Variants in AGBL2 observed in about 807,000 individuals in gnomAD.
AGBL2 encodes the protein cytosolic carboxypeptidase 2.
Under a neutral mutation model 103.0 loss-of-function variants are expected in AGBL2, and 87 were observed. The observed-to-expected ratio is 0.84, with a 90% CI of 0.71 to 1.01. AGBL2 has a LOEUF of 1.01. Among genes scored for constraint, AGBL2 ranks in the 50% least tolerant of loss-of-function variants. The probability of loss-of-function intolerance (pLI) is 0.00; values close to 1 mark genes in which losing one functional copy is unlikely to be tolerated. For missense variants in AGBL2, 904 were observed against 1,023.5 expected (o/e 0.88, Z 1.59); for synonymous variants, 335 against 356.7 (o/e 0.94, Z 0.69).
At chr11:47,706,890 CCAAAAAAAAA>C (rs2097522347) in intron 4 of AGBL2, among the ~76,000 whole-genome samples, 1 of 53,240 alleles carries the variant, frequency 1.9e-5, no homozygotes, top group Non-Finnish European at 3.0e-5. Context: ...CTCTACTATT[CCAAAAAAAAA>C]AAAAAAAAAA....
chr11:47,701,526 G>A (rs1423073478), intron 7 of AGBL2, among the ~76,000 whole-genome samples: 1 of 151,446 alleles, frequency 6.6e-6, no homozygotes, highest in Non-Finnish European at 1.5e-5. Flanking sequence ...CATTAACTTG[G>A]TTATTAAATT....
At chr11:47,663,440 A>G (rs528682282) in intron 17 of AGBL2, among the ~76,000 whole-genome samples, 6 of 152,354 alleles carry the variant, frequency 3.9e-5, no homozygotes, top group Admixed American at 2.0e-4. Flanking sequence ...AGAATATTAA[A>G]TAGTGGGGCT....
At chr11:47,667,799 G>A in intron 15 of AGBL2, 103 bp from the exon 16 acceptor site, 3 of 1,272,708 alleles carry the variant, frequency 2.4e-6, no homozygotes, top group Non-Finnish European at 2.2e-6. Context: ...GGCTAACTCG[G>A]TATGCAGATT....
At chr11:47,696,185 CAAAAAA>C (rs200029588) in intron 8 of AGBL2, among the ~76,000 whole-genome samples, 1 of 97,772 alleles carries the variant, frequency 1.0e-5, no homozygotes, top group African/African-American at 4.0e-5. Flanking sequence ...GACTCTGTCT[CAAAAAA>C]AAAAAAAAAA....
intron 3 of AGBL2, among the ~76,000 whole-genome samples, chr11:47,713,295 G>C (rs2097540806): frequency 6.8e-6 from 1 of 147,976 alleles, no homozygotes; most frequent in Non-Finnish European, 1.5e-5. Context: ...AGTGAGCCGA[G>C]ATTGCGCCAT....
intron 8 of AGBL2, among the ~76,000 whole-genome samples, chr11:47,695,333 G>C (rs2153804565): frequency 6.6e-6 from 1 of 151,906 alleles, no homozygotes; most frequent in African/African-American, 2.4e-5. Flanking sequence ...AAATTAGTCA[G>C]GTGTGATGGT....
chr11:47,672,589 A>G (rs1197066473), intron 14 of AGBL2, among the ~76,000 whole-genome samples: 3 of 152,176 alleles, frequency 2.0e-5, no homozygotes, highest in Admixed American at 2.0e-4. Flanking sequence ...TGCTAAGACT[A>G]CAGGCGTGAG....
At chr11:47,677,554 A>C (rs1050678188) in intron 13 of AGBL2, among the ~76,000 whole-genome samples, 153 bp from the exon 14 acceptor site, 9 of 152,044 alleles carry the variant, frequency 5.9e-5, no homozygotes, top group Admixed American at 2.6e-4. Context: ...CCTGGGTTCA[A>C]GCGATTCTCC....
chr11:47,661,250 T>C (rs2097327246), intron 18 of AGBL2, among the ~76,000 whole-genome samples: 1 of 152,184 alleles, frequency 6.6e-6, no homozygotes, highest in African/African-American at 2.4e-5. Context: ...ACTGAATTCA[T>C]GGTTATATGT....
At position 47,690,526 on chromosome 11, in the gene AGBL2, T is replaced by A; in HGVS notation, c.1181A>T (p.His394Leu). Residue 394 changes from histidine (H) to leucine (L), a missense_variant, in exon 10 of 19, where the codon CAC becomes CTC. Transcript: ENST00000525123. ...ATCAGTGTATGTATATGGGTAGAAG[T>A]GTGCAAAGAAGCAAGTGTCCTGGTC... ...PYDQDTCFFA[H>L]FYPYTYTDLQ... is the part of the protein sequence containing the mutation. 6.2e-7 allele frequency: 1 copy of A among 1,614,114 alleles called. No homozygotes were observed. The highest frequency in any genetic ancestry group is 1.1e-5 in the South Asian group (1 of 91,082).
intron 8 of AGBL2, among the ~76,000 whole-genome samples, chr11:47,692,975 C>A (rs548083820): frequency 6.6e-6 from 1 of 151,934 alleles, no homozygotes; most frequent in African/African-American, 2.4e-5. Flanking sequence ...TGCACCACCA[C>A]ACCCAACTAA....
intron 4 of AGBL2, among the ~76,000 whole-genome samples, chr11:47,708,040 C>G (rs1189675348): frequency 6.6e-6 from 1 of 151,912 alleles, no homozygotes; most frequent in Non-Finnish European, 1.5e-5. Flanking sequence ...GCTGAGACTA[C>G]AGCCATTTGC....
At chr11:47,701,984 A>T (rs1565081226) in intron 7 of AGBL2, among the ~76,000 whole-genome samples, 1 of 151,318 alleles carries the variant, frequency 6.6e-6, no homozygotes, top group East Asian at 1.9e-4. Flanking sequence ...AAAAAAAAAA[A>T]AAAAAAAAGA....
chr11:47,691,984 C>T, intron 9 of AGBL2, 119 bp downstream of exon 9: 2 of 872,716 alleles, frequency 2.3e-6, no homozygotes, highest in South Asian at 5.9e-5. Context: ...TTTCTTCATA[C>T]CCATAACTAT....
chr11:47,669,004 G>A, intron 14 of AGBL2, 97 bp from the exon 15 acceptor site: 2 of 793,188 alleles, frequency 2.5e-6, no homozygotes, highest in South Asian at 2.9e-5. Flanking sequence ...TTAGGATTAG[G>A]ATATCTTCTA....
Position 47,713,284 on chromosome 11 carries a change from C to T in AGBL2, c.97+1000G>A, listed in dbSNP as rs151100176. Among the ~76,000 whole-genome samples, 1,305 of 148,084 alleles carry T rather than the reference C, an allele frequency of 8.8e-3. 24 individuals carry two copies. The highest frequency in any genetic ancestry group is 0.031 in the African/African-American group (1,247 of 39,958). ...TCTTGAACCCAGGAGGTGGAGGTCG[C>T]AGTGAGCCGAGATTGCGCCATTGCA... On this transcript the variant is annotated intron_variant, in intron 3 of 18. Transcript: ENST00000525123.
intron 11 of AGBL2, 95 bp from the exon 12 acceptor site, chr11:47,682,190 T>C (rs1365736861): frequency 6.4e-6 from 8 of 1,252,720 alleles, no homozygotes; most frequent in Non-Finnish European, 6.7e-6. Context: ...TTCCTTGGGG[T>C]CCATATGTTA....
intron 4 of AGBL2, 120 bp from the exon 5 acceptor site, chr11:47,706,037 A>G (rs1345097991): frequency 2.6e-6 from 2 of 780,336 alleles, no homozygotes; most frequent in South Asian, 1.5e-5. Context: ...ATTTCTATCT[A>G]AATCTTTCTC....
chr11:47,710,896 C>A (rs1435293237), intron 3 of AGBL2: 31 of 404,580 alleles, frequency 7.7e-5, no homozygotes, highest in Non-Finnish European at 1.4e-4. Context: ...AGTGACAGAG[C>A]GAGATCCTGT....
Sources: allele counts gnomAD v4.1 joint callset (sites outside exome capture counted in the v4.1 genomes callset), GRCh38; gene constraint gnomAD v4.1.1; transcripts MANE v1.5; gene names NCBI Gene and HGNC (gene_info 2026-07-23, HGNC 2026-07-21).